Variants in TRMT9B observed in about 807,000 individuals in gnomAD.
The protein encoded by TRMT9B is probable tRNA methyltransferase 9B.
In TRMT9B, 16 loss-of-function variants were observed where a neutral mutation model predicts 11.5. That is an observed-to-expected ratio of 1.39 (90% CI 0.94 to 2.11). TRMT9B has a LOEUF of 2.11. TRMT9B is among the 30% of genes most tolerant of loss of function. TRMT9B has a pLI of 0.00. For missense variants in TRMT9B, 941 were observed against 553.8 expected (o/e 1.70, Z -7.02); for synonymous variants, 274 against 192.4 (o/e 1.42, Z -3.51).
intron 4 of TRMT9B, among the ~76,000 whole-genome samples, chr8:13,015,001 G>T (rs2460920): frequency 0.093 from 14,148 of 151,816 alleles, 1,070 homozygotes; most frequent in African/African-American, 0.2. Flanking sequence ...AGAGGTTGCA[G>T]TGAGCCAAGA....
At chr8:13,010,352 A>G in intron 3 of TRMT9B, 2 of 975,408 alleles carry the variant, frequency 2.1e-6, no homozygotes, top group South Asian at 4.8e-5. Context: ...AAGAAATGAA[A>G]AAGAAAGAAG....
In TRMT9B at chr8:13,029,504, G is replaced by A. The variant is rs1453876681; in HGVS notation, c.*7460G>A. ...ATATGTATTCAATTATTTAAGTTAA[G>A]TATCAGTGTATTTTTAAAAAGTGTT... is the stretch of plus-strand genomic sequence containing the variant. On this transcript the variant is annotated 3_prime_UTR_variant, in exon 5 of 5. Transcript: ENST00000524591. The A allele has an allele frequency of 6.0e-6, 1 of 166,850 alleles. No homozygotes were observed. The highest frequency in any genetic ancestry group is 1.5e-5 in the Non-Finnish European group (1 of 68,098). 10.3% of individuals were successfully genotyped at this position (166,850 alleles called of 1,614,324 possible).
chr8:13,013,482 A>G (rs1023005953), intron 4 of TRMT9B, among the ~76,000 whole-genome samples: 8 of 152,040 alleles, frequency 5.3e-5, no homozygotes, highest in Admixed American at 3.3e-4. Flanking sequence ...AAATGGGGGG[A>G]AAAAATCCAT....
Position 13,019,267 on chromosome 8 carries a change from G to C in TRMT9B, c.329-1741G>C, listed in dbSNP as rs189085664. Among the ~76,000 whole-genome samples the C allele has an allele frequency of 2.6e-5, 4 of 152,258 alleles. No individual in the cohort carries two copies. In the East Asian group the frequency reaches 7.7e-4, roughly 29 times the overall value. ...AGTTATGGGAGATACATACATATGG[G>C]AGATACATTTATATGAGTGTGTATA... On this transcript the variant is annotated intron_variant, in intron 4 of 4. Coordinates refer to ENST00000524591, the MANE Select transcript of TRMT9B (RefSeq NM_020844.3).
intron 1 of TRMT9B, among the ~76,000 whole-genome samples, chr8:12,986,447 C>CAT (rs768948224): frequency 1.3e-5 from 2 of 152,184 alleles, no homozygotes; most frequent in Non-Finnish European, 2.9e-5. Flanking sequence ...AATTATGGAA[C>CAT]ATATGTTCAC....
At chr8:12,988,747 C>A (rs1347438652) in intron 1 of TRMT9B, among the ~76,000 whole-genome samples, 1 of 152,160 alleles carries the variant, frequency 6.6e-6, no homozygotes, top group Non-Finnish European at 1.5e-5. Flanking sequence ...ATGGGAACTA[C>A]AATTCAAGAT....
At chr8:13,003,803 G>A (rs545606331) in intron 2 of TRMT9B, among the ~76,000 whole-genome samples, 4 of 150,592 alleles carry the variant, frequency 2.7e-5, no homozygotes, top group South Asian at 4.4e-4. Context: ...AAGGACCAGA[G>A]TTAACACACA....
At chr8:12,996,929 G>C (rs909612537) in intron 2 of TRMT9B, among the ~76,000 whole-genome samples, 8 of 147,864 alleles carry the variant, frequency 5.4e-5, no homozygotes, top group African/African-American at 2.0e-4. Flanking sequence ...ATCTGTTTTT[G>C]TACCTTCTTT....
At chr8:13,016,346 T>C (rs1445615438) in intron 4 of TRMT9B, among the ~76,000 whole-genome samples, 35 of 146,400 alleles carry the variant, frequency 2.4e-4, no homozygotes, top group Non-Finnish European at 4.5e-5. Flanking sequence ...TTCTCTTATA[T>C]GACATATATA....
chr8:12,990,013 G>T (rs1477981557), intron 1 of TRMT9B, among the ~76,000 whole-genome samples: 2 of 152,162 alleles, frequency 1.3e-5, no homozygotes, highest in East Asian at 1.9e-4. Context: ...GGTTGGGCTG[G>T]TGTAGGGGAA....
At chr8:12,962,293 T>G (rs1366732092) in intron 1 of TRMT9B, 2 of 152,244 alleles carry the variant, frequency 1.3e-5, no homozygotes, top group Non-Finnish European at 1.5e-5. Flanking sequence ...ACATTATGTG[T>G]AGAAACCTAC....
chr8:13,006,867 C>T (rs1432612605), intron 3 of TRMT9B: 3 of 180,798 alleles, frequency 1.7e-5, no homozygotes, highest in African/African-American at 4.7e-5. Flanking sequence ...CGGGGTTTTG[C>T]CATGTTGGCC....
intron 4 of TRMT9B, 31 bp from the exon 5 acceptor site, chr8:13,020,977 A>G (rs1271771521): frequency 1.4e-6 from 2 of 1,436,174 alleles, no homozygotes; most frequent in Non-Finnish European, 1.9e-6. Context: ...GTGTGTGCAT[A>G]CACACTGAGA....
intron 1 of TRMT9B, among the ~76,000 whole-genome samples, chr8:12,969,073 C>T (rs2977120): frequency 0.28 from 43,117 of 151,922 alleles, 6,705 homozygotes; most frequent in East Asian, 0.62. Flanking sequence ...ATTGGCCGGG[C>T]GTGGTAGCAT....
rs1381718317 is a variant in TRMT9B, at chr8:13,023,155, G to A, written c.*1111G>A. On this transcript the variant is annotated 3_prime_UTR_variant, in exon 5 of 5. Coordinates refer to ENST00000524591, the MANE Select transcript of TRMT9B (RefSeq NM_020844.3). ...TATTAGCAAGATTGTTATCAATCATGCTTATTAGAAGGATGAATATCCAAG... is the reference window on the plus strand; with the variant it reads ...TATTAGCAAGATTGTTATCAATCATACTTATTAGAAGGATGAATATCCAAG... 6.0e-6 allele frequency: 1 copy of A among 167,046 alleles called. No homozygotes were observed. Among genetic ancestry groups the A allele is most frequent in the African/African-American group, 2.4e-5 (1 of 41,440 alleles). The allele number at this position is 167,046 out of a possible 1,614,324, so 10.3% of individuals were successfully genotyped here.
chr8:13,008,514 G>A (rs1316477823), intron 3 of TRMT9B, among the ~76,000 whole-genome samples: 1 of 152,172 alleles, frequency 6.6e-6, no homozygotes, highest in East Asian at 1.9e-4. Flanking sequence ...CTGTAGTATT[G>A]ACGTTGGGGT....
rs1410328873 is a variant in TRMT9B, at chr8:13,023,006, A to AATG, written c.*963_*964insTGA. 5 of 166,828 alleles carry AATG rather than the reference A, an allele frequency of 3.0e-5. No homozygotes were observed. The highest frequency in any genetic ancestry group is 6.5e-5 in the Admixed American group (1 of 15,268). 10.3% of individuals were successfully genotyped at this position (166,828 alleles called of 1,614,324 possible). On this transcript the variant is annotated 3_prime_UTR_variant, in exon 5 of 5. Coordinates refer to ENST00000524591, the MANE Select transcript of TRMT9B (RefSeq NM_020844.3). ...TCAAAATAATAATAATAATAATAAT[A>AATG]AAGGCGTTGTTAGCTTGTAAGGAGT...
chr8:12,950,020 T>C (rs1400250022), intron 1 of TRMT9B, among the ~76,000 whole-genome samples: 1 of 152,110 alleles, frequency 6.6e-6, no homozygotes, highest in Non-Finnish European at 1.5e-5. Context: ...GCCCAGCTAA[T>C]GTTTTGTATT....
At chr8:13,007,153 A>G (rs1810631474) in intron 3 of TRMT9B, 1 of 152,250 alleles carries the variant, frequency 6.6e-6, no homozygotes, top group Non-Finnish European at 1.5e-5. Context: ...TGAGTGGCTC[A>G]CATGCCTTCT....
Sources: gnomAD v4.1 joint callset for allele counts (sites outside exome capture counted in the v4.1 genomes callset) on GRCh38, gnomAD v4.1.1 for gene constraint, MANE v1.5 for transcripts, NCBI Gene and HGNC (gene_info 2026-07-23, HGNC 2026-07-21) for gene names.